PHACTR1: variants seen among roughly 807,000 people sequenced by gnomAD.
PHACTR1 encodes the protein phosphatase and actin regulator 1.
In PHACTR1, 16 loss-of-function variants were observed where a neutral mutation model predicts 69.2. The ratio of observed to expected loss-of-function variants is 0.23; its 90% confidence interval spans 0.16 to 0.35. The LOEUF is 0.35. Ranked by LOEUF, PHACTR1 falls within the 10% of genes least tolerant of loss-of-function variation. PHACTR1 has a pLI of 1.00. For synonymous variants in PHACTR1, 312 were observed against 284.5 expected (o/e 1.10, Z -0.97); for missense variants, 510 against 734.7 (o/e 0.69, Z 3.54).
chr6:13,012,659 T>C (rs1306465590), intron 4 of PHACTR1, among the ~76,000 whole-genome samples: 1 of 152,194 alleles, frequency 6.6e-6, no homozygotes, highest in African/African-American at 2.4e-5. Context: ...AACCAGAATA[T>C]CTGGATTTGG....
At chr6:13,259,510 T>C (rs1775628002) in intron 10 of PHACTR1, among the ~76,000 whole-genome samples, 1 of 152,222 alleles carries the variant, frequency 6.6e-6, no homozygotes. Context: ...GCGTAACCTG[T>C]TTATCTATTT....
At chr6:13,020,929 A>G (rs1800876238) in intron 4 of PHACTR1, among the ~76,000 whole-genome samples, 1 of 152,112 alleles carries the variant, frequency 6.6e-6, no homozygotes, top group Non-Finnish European at 1.5e-5. Context: ...GGCCTGGGAT[A>G]CCACACTAAG....
chr6:12,745,791 C>T (rs1765714373), intron 3 of PHACTR1, among the ~76,000 whole-genome samples: 1 of 152,192 alleles, frequency 6.6e-6, no homozygotes, highest in Non-Finnish European at 1.5e-5. Context: ...TAGGCAGCGC[C>T]TTTAAGATCA....
intron 5 of PHACTR1, among the ~76,000 whole-genome samples, chr6:13,148,769 C>T (rs909610956): frequency 7.9e-5 from 12 of 152,170 alleles, no homozygotes; most frequent in African/African-American, 2.7e-4. Flanking sequence ...GAAATGAAAT[C>T]AAAACCAAAA....
chr6:13,265,490 T>G (rs905094681), intron 10 of PHACTR1, among the ~76,000 whole-genome samples: 1 of 152,190 alleles, frequency 6.6e-6, no homozygotes, highest in Non-Finnish European at 1.5e-5. Context: ...TAAAAAGTTA[T>G]TTTCGGAAGT....
chr6:13,015,553 G>A (rs748410607), intron 4 of PHACTR1, among the ~76,000 whole-genome samples: 18 of 152,206 alleles, frequency 1.2e-4, no homozygotes, highest in Non-Finnish European at 2.4e-4. Flanking sequence ...GGCTAAAATG[G>A]TTATTAAATG....
chr6:13,127,274 CAG>C (rs1480619517), intron 5 of PHACTR1, among the ~76,000 whole-genome samples: 1 of 152,212 alleles, frequency 6.6e-6, no homozygotes, highest in East Asian at 1.9e-4. Context: ...TTTTAAGAAA[CAG>C]AAGGAAGAAG....
intron 5 of PHACTR1, among the ~76,000 whole-genome samples, chr6:13,089,161 G>A (rs1194978875): frequency 6.6e-6 from 1 of 152,146 alleles, no homozygotes; most frequent in Non-Finnish European, 1.5e-5. Context: ...CTTAGCTCTT[G>A]GTTTGCCCCC....
At chr6:13,027,448 T>C (rs1801853420) in intron 4 of PHACTR1, among the ~76,000 whole-genome samples, 1 of 152,162 alleles carries the variant, frequency 6.6e-6, no homozygotes. Context: ...TCCATGTTAC[T>C]GCAACAGAAA....
chr6:12,725,105 T>C (rs1011267337), intron 3 of PHACTR1, among the ~76,000 whole-genome samples: 1 of 152,172 alleles, frequency 6.6e-6, no homozygotes, highest in African/African-American at 2.4e-5. Flanking sequence ...AGAGTCTCTT[T>C]AAGTTGTTTT....
At chr6:12,893,733 A>G (rs973058086) in intron 4 of PHACTR1, among the ~76,000 whole-genome samples, 1 of 152,202 alleles carries the variant, frequency 6.6e-6, no homozygotes, top group Non-Finnish European at 1.5e-5. Context: ...TTCTTCCAGC[A>G]TGACTGCAGA....
intron 4 of PHACTR1, among the ~76,000 whole-genome samples, chr6:12,794,247 C>T (rs1220623997): frequency 6.6e-6 from 1 of 152,190 alleles, no homozygotes; most frequent in Non-Finnish European, 1.5e-5. Context: ...TAAGAGAGAT[C>T]AAACTATGAA....
chr6:12,863,373 T>C (rs538253417), intron 4 of PHACTR1, among the ~76,000 whole-genome samples: 1 of 152,214 alleles, frequency 6.6e-6, no homozygotes, highest in Non-Finnish European at 1.5e-5. Flanking sequence ...TCTCTTTCTA[T>C]AAGGCACCAA....
chr6:12,861,840 T>C (rs1455347772), intron 4 of PHACTR1, among the ~76,000 whole-genome samples: 1 of 152,170 alleles, frequency 6.6e-6, no homozygotes, highest in East Asian at 1.9e-4. Flanking sequence ...GTTCATTTTT[T>C]AAAAAAATTA....
intron 4 of PHACTR1, among the ~76,000 whole-genome samples, chr6:13,048,522 TTG>T (rs70989824): frequency 5.3e-4 from 76 of 142,974 alleles, no homozygotes; most frequent in South Asian, 1.2e-3. Context: ...TTCCATTTCT[TTG>T]TGTGTGTGTG....
intron 4 of PHACTR1, among the ~76,000 whole-genome samples, chr6:12,979,383 G>A (rs1207222493): frequency 6.6e-6 from 1 of 152,178 alleles, no homozygotes; most frequent in Admixed American, 6.5e-5. Flanking sequence ...ATGCAAGTCA[G>A]CCAGCAGATC....
At chr6:13,157,235 C>A (rs528708815) in intron 5 of PHACTR1, among the ~76,000 whole-genome samples, 1 of 152,200 alleles carries the variant, frequency 6.6e-6, no homozygotes. Flanking sequence ...ACCCAGCCCC[C>A]CTCAGCTCAA....
chr6:13,123,124 G>A (rs1818987734), intron 5 of PHACTR1, among the ~76,000 whole-genome samples: 5 of 152,162 alleles, frequency 3.3e-5, no homozygotes, highest in Admixed American at 3.3e-4. Context: ...AGAATAAATA[G>A]CTTGGATATG....
chr6:13,206,111 G>A lies in PHACTR1; in HGVS notation c.961G>A (p.Ala321Thr). The stretch of plus-strand genomic sequence containing the variant: ...GATAGACGAGCTCAACAAAACGCTG[G>A]CCATGACCATGCAGAGGCTGGAAAG... ...RMIDELNKTL[A>T]MTMQRLESSE... Residue 321 changes from alanine to threonine, a missense_variant, in exon 8 of 15, where the codon GCC becomes ACC. Physicochemically the swap from Ala to Thr is moderately conservative, Grantham distance 58. Around this residue, in one of 2 missense-constraint regions of PHACTR1, gnomAD observed 419 missense variants for 530.9 expected, o/e 0.79. Transcript: ENST00000332995. The A allele has an allele frequency of 6.2e-7, 1 of 1,606,904 alleles. No homozygotes were observed. The highest frequency in any genetic ancestry group is 8.5e-7 in the Non-Finnish European group (1 of 1,175,844).
Sources: gnomAD v4.1 joint callset for allele counts (sites outside exome capture counted in the v4.1 genomes callset) on GRCh38, gnomAD v4.1.1 for gene constraint, gnomAD v4.1.1 regional missense constraint, MANE v1.5 for transcripts, NCBI Gene and HGNC (gene_info 2026-07-23, HGNC 2026-07-21) for gene names.